The following GGT5 variants were observed in gnomAD, a reference collection of about 807,000 sequenced individuals.
GGT5 encodes the protein gamma-glutamyltransferase 5, also known as glutathione hydrolase 5 proenzyme.
GGT5 carries 50 observed loss-of-function variants against 58.1 expected under a neutral mutation model. The ratio of observed to expected loss-of-function variants is 0.86; its 90% confidence interval spans 0.69 to 1.09. The LOEUF is 1.09. GGT5 is among the 50% of genes least tolerant of loss of function. The pLI, the probability that GGT5 is intolerant of heterozygous loss-of-function variation, is 0.00. For missense variants in GGT5, 800 were observed against 789.4 expected (o/e 1.01, Z -0.16); for synonymous variants, 370 against 346.1 (o/e 1.07, Z -0.77).
chr22:24,237,926 T>A (rs8140966), intron 1 of GGT5, among the ~76,000 whole-genome samples: 35,368 of 151,984 alleles, frequency 0.23, 4,354 homozygotes, highest in African/African-American at 0.3. Flanking sequence ...ATCAAAGAAC[T>A]GTCATCTATT....
At chr22:24,223,823 C>T (rs2047671282) in intron 11 of GGT5, among the ~76,000 whole-genome samples, 1 of 131,020 alleles carries the variant, frequency 7.6e-6, no homozygotes, top group African/African-American at 2.9e-5. Context: ...AGTGCAATGT[C>T]ACGATCTTGG....
chr22:24,220,142 C>T (rs778223752), intron 11 of GGT5, 26 bp from the exon 12 acceptor site: 1 of 1,611,228 alleles, frequency 6.2e-7, no homozygotes, highest in Non-Finnish European at 8.5e-7. Flanking sequence ...AGCAGGTTCA[C>T]AGGGGAGGGC....
chr22:24,220,141 A>T, intron 11 of GGT5, 25 bp from the exon 12 acceptor site: 3 of 1,612,546 alleles, frequency 1.9e-6, no homozygotes, highest in Non-Finnish European at 2.5e-6. Context: ...AAGCAGGTTC[A>T]CAGGGGAGGG....
intron 1 of GGT5, among the ~76,000 whole-genome samples, chr22:24,237,675 G>A (rs2048139204): frequency 6.6e-6 from 1 of 152,006 alleles, no homozygotes; most frequent in South Asian, 2.1e-4. Flanking sequence ...CCAAAGTGCT[G>A]GGATTACAAG....
intron 1 of GGT5, among the ~76,000 whole-genome samples, chr22:24,236,482 G>T (rs913707515): frequency 3.3e-5 from 5 of 152,158 alleles, no homozygotes; most frequent in Non-Finnish European, 7.3e-5. Flanking sequence ...AATCTGTTAA[G>T]GCCGGGCGCG....
chr22:24,244,611 G>C lies in GGT5; in HGVS notation c.115C>G (p.Gln39Glu), dbSNP rs780743484. ...GCAACAGCAGCGTGGGCAAAGGCCT[G>C]GGGGCCACATGGGGCCTGGTGTCGA... ...LSRHQAPCGP[Q>E]AFAHAAVAAD... Residue 39 changes from glutamine (Q) to glutamate (E), a missense_variant, in exon 1 of 12, where the codon CAG becomes GAG. Transcript: ENST00000327365. The C allele has an allele frequency of 4.7e-5, 75 of 1,612,618 alleles. No homozygotes were observed. Among genetic ancestry groups the C allele is most frequent in the Non-Finnish European group, 5.9e-5 (70 of 1,179,830 alleles).
rs1303100916 is a variant in GGT5 at position 24,226,263 on chromosome 22, C to T, written c.1042G>A (p.Ala348Thr). 3 of 1,572,622 alleles carry T rather than the reference C, an allele frequency of 1.9e-6. No homozygotes were observed. The highest frequency in any genetic ancestry group is 2.6e-6 in the Non-Finnish European group (3 of 1,154,612). ...GTCTCCCCCAGCAGGTCCCGGGAGGCATTCTGGGGTGGGTGGGCAGGTGGC... is the reference window on the plus strand; with the variant it reads ...GTCTCCCCCAGCAGGTCCCGGGAGGTATTCTGGGGTGGGTGGGCAGGTGGC... Reference protein sequence around the residue: ...DPRSHPKLQNASRDLLGETLA... With the variant: ...DPRSHPKLQNTSRDLLGETLA... The change falls in exon 8 of 12, where the codon GCC becomes ACC. Residue 348 changes from alanine to threonine, a missense_variant. Transcript: ENST00000327365.
intron 1 of GGT5, 101 bp downstream of exon 1, chr22:24,244,452 A>G (rs2048416544): frequency 1.0e-6 from 1 of 999,906 alleles, no homozygotes; most frequent in Non-Finnish European, 1.5e-6. Flanking sequence ...TCACACACAC[A>G]CCCACACATA....
intron 1 of GGT5, chr22:24,241,601 A>G (rs961899388): frequency 7.2e-5 from 11 of 152,334 alleles, no homozygotes; most frequent in African/African-American, 2.2e-4. Context: ...ATAACCTCCC[A>G]GCAAGATATT....
intron 7 of GGT5, 65 bp from the exon 8 acceptor site, chr22:24,226,331 A>G: frequency 1.5e-6 from 2 of 1,330,266 alleles, no homozygotes; most frequent in South Asian, 1.3e-5. Flanking sequence ...AACCAAGGGC[A>G]GGATGAGATC....
chr22:24,238,574 C>G (rs1347111398), intron 1 of GGT5, among the ~76,000 whole-genome samples: 1 of 140,692 alleles, frequency 7.1e-6, no homozygotes, highest in Non-Finnish European at 1.5e-5. Context: ...CGTGGTGGCT[C>G]ATGCCTGGAA....
chr22:24,231,442 G>T lies in GGT5; in HGVS notation c.843C>A (p.Tyr281Ter). The change falls in exon 6 of 12, where the codon TAC becomes TAA. Residue 281 changes from tyrosine to a stop codon, truncating the protein, a stop_gained. Coordinates refer to ENST00000327365, the MANE Select transcript of GGT5 (RefSeq NM_004121.5). LOFTEE classifies it high-confidence loss of function. ...LEVPLGDYTL[Y>*]SPPPPAGGAI... ...CACCCCCTGCAGGCGGCGGTGGTGA[G>T]TACAGGGTATAGTCCCCCAGGGGCA... 6.4e-7 allele frequency: 1 copy of T among 1,563,384 alleles called. No homozygotes were observed. The highest frequency in any genetic ancestry group is 8.7e-7 in the Non-Finnish European group (1 of 1,153,688).
chr22:24,232,072 C>A lies in GGT5; in HGVS notation c.733G>T (p.Val245Leu), dbSNP rs756454557. Reference sequence around the variant, plus strand: ...TGACCTTCCTTGGCAATGTCCTCCACCAGCATCTGGCCCAGCCTCCCCGTG... The same window carrying A: ...TGACCTTCCTTGGCAATGTCCTCCAACAGCATCTGGCCCAGCCTCCCCGTG... The part of the protein sequence containing the change: ...FYTGRLGQML[V>L]EDIAKEGSQL... Residue 245 changes from valine (V) to leucine (L), a missense_variant, in exon 5 of 12, where the codon GTG becomes TTG. Transcript: ENST00000327365. 6.2e-7 allele frequency: 1 copy of A among 1,613,572 alleles called. No homozygotes were observed. Among genetic ancestry groups the A allele is most frequent in the East Asian group, 2.2e-5 (1 of 44,868 alleles).
chr22:24,237,042 G>T (rs2048119563), intron 1 of GGT5, among the ~76,000 whole-genome samples: 1 of 140,352 alleles, frequency 7.1e-6, no homozygotes, highest in Non-Finnish European at 1.5e-5. Context: ...ATTTTTCTGA[G>T]ACAGGGTCAC....
rs898258352 is a variant in GGT5 at position 24,223,754 on chromosome 22, CTTTTTTTTT to C, written c.1614+1233_1614+1241del. ...ATCTGGAACCTCAGCTGCTATCAAT[CTTTTTTTTT>C]TTTTTTTTTTTTTTTTGAGATGGAG... On this transcript the variant is annotated intron_variant, in intron 11 of 11. Coordinates refer to ENST00000327365, the MANE Select transcript of GGT5 (RefSeq NM_004121.5). 1.6e-3 allele frequency among the ~76,000 whole-genome samples: 130 copies of C among 79,492 alleles called. 1 individual carries two copies. The highest frequency in any genetic ancestry group is 6.5e-3 in the African/African-American group (124 of 19,160). 52.1% of individuals were successfully genotyped at this position (79,492 alleles called of 152,430 possible).
intron 1 of GGT5, among the ~76,000 whole-genome samples, chr22:24,238,908 ATATATAT>A (rs1191543837): frequency 0.11 from 2,351 of 20,986 alleles, 277 homozygotes; most frequent in Admixed American, 0.19. Context: ...TATATATATT[ATATATAT>A]TATATATATA....
chr22:24,237,887 A>G (rs1329291576), intron 1 of GGT5, among the ~76,000 whole-genome samples: 1 of 152,200 alleles, frequency 6.6e-6, no homozygotes, highest in Non-Finnish European at 1.5e-5. Context: ...TTGTATCTAT[A>G]TTCAAGGATA....
At chr22:24,230,249 T>G (rs1445596302) in intron 6 of GGT5, among the ~76,000 whole-genome samples, 15 of 151,826 alleles carry the variant, frequency 9.9e-5, no homozygotes. Flanking sequence ...GCGCCTGTAA[T>G]CCCAGCTACT....
Position 24,225,401 on chromosome 22 carries a change from G to A in GGT5, c.1347C>T (p.Asp449=). The A allele has an allele frequency of 2.5e-6, 4 of 1,606,502 alleles. No individual in the cohort carries two copies. The South Asian group carries it at 4.4e-5, about 18-fold the overall frequency. ...ACCTTCCGGGAGCTCCACCCACCCT[G>A]TCTCCACTCACTGCTGAGCAAACAG... ...SGTTPSPVSG[D]RVGGAPGRCW... Residue 449 remains aspartate, a synonymous_variant, in exon 10 of 12, where the codon GAC becomes GAT. Transcript: ENST00000327365.
Sources: allele counts gnomAD v4.1 joint callset (sites outside exome capture counted in the v4.1 genomes callset), GRCh38; gene constraint gnomAD v4.1.1; transcripts MANE v1.5; gene names NCBI Gene and HGNC (gene_info 2026-07-23, HGNC 2026-07-21).